The following GHDC variants were observed in gnomAD, a reference collection of about 807,000 sequenced individuals.
The protein encoded by GHDC is GH3 domain containing.
Under a neutral mutation model 51.5 loss-of-function variants are expected in GHDC, and 39 were observed. The ratio of observed to expected loss-of-function variants is 0.76; its 90% CI spans 0.59 to 0.99. GHDC has a LOEUF of 0.99. Among genes scored for constraint, GHDC ranks in the 50% least tolerant of loss-of-function variants. GHDC has a pLI of 0.00. For synonymous variants in GHDC, 282 were observed against 305.2 expected (o/e 0.92, Z 0.79); for missense variants, 610 against 672.8 (o/e 0.91, Z 1.03).
chr17:42,190,260 C>T lies in GHDC; in HGVS notation c.1299G>A (p.Ala433=), dbSNP rs1032918421. The T allele has an allele frequency of 5.6e-6, 9 of 1,614,066 alleles. No homozygotes were observed. Among genetic ancestry groups the T allele is most frequent in the African/African-American group, 4.0e-5 (3 of 74,922 alleles). The change falls in exon 9 of 10, where the codon GCG becomes GCA. Residue 433 remains alanine (A), a synonymous_variant. Coordinates refer to ENST00000587427, the MANE Select transcript of GHDC (RefSeq NM_032484.5). ...ACACCTCGTAGTGGGGAGCAGAGCC[C>T]GCAGAGGAATCTGTGAATAGACCCC... ...CVESSILDSS[A]GSAPHYEVFV...
chr17:42,191,614 C>T (rs565038670), intron 5 of GHDC, among the ~76,000 whole-genome samples: 30 of 152,092 alleles, frequency 2.0e-4, no homozygotes, highest in African/African-American at 7.0e-4. Context: ...CCTGCCACCA[C>T]ACCTGGCTAA....
intron 9 of GHDC, 54 bp downstream of exon 9, chr17:42,190,131 G>T: frequency 1.3e-6 from 2 of 1,554,278 alleles, no homozygotes; most frequent in East Asian, 2.2e-5. Context: ...TGGCACCCTG[G>T]GAGTGTGCAG....
Position 42,190,304 on chromosome 17 carries a change from G to A in GHDC, c.1289-34C>T, listed in dbSNP as rs759692538. 26 of 1,614,016 alleles carry A rather than the reference G, an allele frequency of 1.6e-5. No individual in the cohort carries two copies. In the East Asian group the frequency reaches 1.8e-4, roughly 11 times the overall value. On this transcript the variant is annotated intron_variant, in intron 8 of 9. Coordinates refer to ENST00000587427, the MANE Select transcript of GHDC (RefSeq NM_032484.5). The stretch of plus-strand genomic sequence containing the variant: ...AGACCCCATGTGCACACATACTTCC[G>A]GTGAATGGGCAGCTGCCAAGTCTAG...
At position 42,190,267 on chromosome 17, in the gene GHDC, G is replaced by C; in HGVS notation, c.1292C>G (p.Ser431Cys). Reference protein sequence around the residue: ...HGCVESSILDSSAGSAPHYEV... With the variant: ...HGCVESSILDCSAGSAPHYEV... ...GTAGTGGGGAGCAGAGCCCGCAGAG[G>C]AATCTGTGAATAGACCCCATGTGCA... Residue 431 changes from serine (S) to cysteine (C), a missense_variant, in exon 9 of 10, where the codon TCC (serine) becomes TGC (cysteine). By Grantham distance (112) the Ser-to-Cys change is moderately radical (BLOSUM62 -1). Around this residue, in one of 2 missense-constraint regions of GHDC, gnomAD observed 412 missense variants for 410.4 expected, o/e 1.00. Coordinates refer to ENST00000587427, the MANE Select transcript of GHDC (RefSeq NM_032484.5). The C allele has an allele frequency of 6.2e-7, 1 of 1,614,162 alleles. No individual in the cohort carries two copies. Among genetic ancestry groups the C allele is most frequent in the Non-Finnish European group, 8.5e-7 (1 of 1,180,028 alleles).
rs2079961723 is a variant in GHDC at position 42,190,715 on chromosome 17, T to C, written c.1197A>G (p.Glu399=). Reference sequence around the variant, plus strand: ...GGCCCAGGGCCTCAGAGAACAGGTCTTCACCAATATCTTCCCCTCGCACAC... The same window carrying C: ...GGCCCAGGGCCTCAGAGAACAGGTCCTCACCAATATCTTCCCCTCGCACAC... ...TLSVRGEDIG[E]DLFSEALGRA... The change falls in exon 8 of 10, where the codon GAA becomes GAG. Residue 399 remains glutamate, a synonymous_variant. Coordinates refer to ENST00000587427, the MANE Select transcript of GHDC (RefSeq NM_032484.5). 2 of 1,613,950 alleles carry C rather than the reference T, an allele frequency of 1.2e-6. No homozygotes were observed. The highest frequency in any genetic ancestry group is 1.7e-6 in the Non-Finnish European group (2 of 1,180,008).
Position 42,189,193 on chromosome 17 carries a change from G to T in GHDC, c.*510C>A, listed in dbSNP as rs887999712. The T allele has an allele frequency of 1.0e-5, 4 of 398,344 alleles. No individual in the cohort carries two copies. Among genetic ancestry groups the T allele is most frequent in the Non-Finnish European group, 1.8e-5 (4 of 226,042 alleles). The allele number at this position is 398,344 out of a possible 1,614,324, so 24.7% of individuals were successfully genotyped here. A position where few individuals can be genotyped will look rare whatever the true frequency, so the allele number is the denominator to read the frequency against. ...CCGCAGGAAGTACATGAATGAGTGG[G>T]TTACTGCTGCGGGCAACTGGGACTC... On this transcript the variant is annotated 3_prime_UTR_variant, in exon 10 of 10. Coordinates refer to ENST00000587427, the MANE Select transcript of GHDC (RefSeq NM_032484.5).
Position 42,193,613 on chromosome 17 carries a change from C to CGAGATATGG in GHDC, c.-13-28_-13-20dup. ...GCAGCTCCTGGGAAGAGGAAGGAAC[C>CGAGATATGG]GAGATATGGGGGCATGCAGCAATTA... On this transcript the variant is annotated intron_variant, in intron 2 of 9. Coordinates refer to ENST00000587427, the MANE Select transcript of GHDC (RefSeq NM_032484.5). The CGAGATATGG allele has an allele frequency of 6.6e-7, 1 of 1,517,420 alleles. No individual in the cohort carries two copies. Among genetic ancestry groups the CGAGATATGG allele is most frequent in the Non-Finnish European group, 8.8e-7 (1 of 1,134,750 alleles). 94.0% of individuals were successfully genotyped at this position (1,517,420 alleles called of 1,614,324 possible). A position where few individuals can be genotyped will look rare whatever the true frequency, so the allele number is the denominator to read the frequency against.
In GHDC at chr17:42,190,253, C is replaced by G; in HGVS notation, c.1306G>C (p.Ala436Pro). The change falls in exon 9 of 10, where the codon GCT becomes CCT. Residue 436 changes from alanine (A) to proline (P), a missense_variant. Physicochemically the swap from Ala to Pro is conservative, Grantham distance 27. This residue lies in a region of GHDC where 412 missense variants were observed against 410.4 expected (regional missense o/e 1.00). Coordinates refer to ENST00000587427, the MANE Select transcript of GHDC (RefSeq NM_032484.5). ...GCCACAAACACCTCGTAGTGGGGAGCAGAGCCCGCAGAGGAATCTGTGAAT... is the reference window on the plus strand; with the variant it reads ...GCCACAAACACCTCGTAGTGGGGAGGAGAGCCCGCAGAGGAATCTGTGAAT... Reference protein sequence around the residue: ...SSILDSSAGSAPHYEVFVALR... With the variant: ...SSILDSSAGSPPHYEVFVALR... 1 of 1,614,180 alleles carries G rather than the reference C, an allele frequency of 6.2e-7. No homozygotes were observed. The highest frequency in any genetic ancestry group is 8.5e-7 in the Non-Finnish European group (1 of 1,180,030).
intron 3 of GHDC, 130 bp from the exon 4 acceptor site, chr17:42,193,157 T>C: frequency 1.3e-6 from 2 of 1,540,204 alleles, no homozygotes; most frequent in South Asian, 2.3e-5. Flanking sequence ...GGACCCAGCA[T>C]GGGAAATTCA....
chr17:42,193,352 G>A lies in GHDC; in HGVS notation c.230C>T (p.Ala77Val). ...TCTGAGGGAACAGTGGGGGCGCTGG[G>A]CTCCCTGTAGACACCACCTCAGGGC... ...QQALRWCLQG[A>V]QRPHCSLRRS... The change falls in exon 3 of 10, where the codon GCC (alanine) becomes GTC (valine). Residue 77 changes from alanine to valine, a missense_variant. Ala to Val is a moderately conservative substitution (Grantham distance 64, BLOSUM62 0). Coordinates refer to ENST00000587427, the MANE Select transcript of GHDC (RefSeq NM_032484.5). 1 of 1,606,620 alleles carries A rather than the reference G, an allele frequency of 6.2e-7. No individual in the cohort carries two copies. Among genetic ancestry groups the A allele is most frequent in the Non-Finnish European group, 8.5e-7 (1 of 1,176,856 alleles).
chr17:42,193,435 G>C lies in GHDC; in HGVS notation c.147C>G (p.Thr49=), dbSNP rs2079985709. 1.3e-6 allele frequency: 2 copies of C among 1,559,276 alleles called. No homozygotes were observed. Among genetic ancestry groups the C allele is most frequent in the Middle Eastern group, 1.7e-4 (1 of 5,926 alleles). The part of the protein sequence containing the change: ...VAWGALVWAA[T]WQRRRLEQST... ...TCTGCTCCAGCCTCCGCCGCTGCCA[G>C]GTGGCTGCCCAGACCAGGGCCCCCC... Residue 49 remains threonine (T), a synonymous_variant, in exon 3 of 10, where the codon ACC becomes ACG. Coordinates refer to ENST00000587427, the MANE Select transcript of GHDC (RefSeq NM_032484.5).
chr17:42,190,510 T>A lies in GHDC; in HGVS notation c.1288+114A>T, dbSNP rs1052604485. 4.9e-6 allele frequency: 7 copies of A among 1,435,014 alleles called. No individual in the cohort carries two copies. In the African/African-American group the frequency reaches 1.0e-4, roughly 21 times the overall value. The allele number at this position is 1,435,014 out of a possible 1,614,324, so 88.9% of individuals were successfully genotyped here. A position where few individuals can be genotyped will look rare whatever the true frequency, so the allele number is the denominator to read the frequency against. Reference sequence around the variant, plus strand: ...ATGAGAGTTAGATGCAGAGAAGGACTTTTGTAGGAGTAGTAAAGGAGGCTT... The same window carrying A: ...ATGAGAGTTAGATGCAGAGAAGGACATTTGTAGGAGTAGTAAAGGAGGCTT... On this transcript the variant is annotated intron_variant, in intron 8 of 9. Coordinates refer to ENST00000587427, the MANE Select transcript of GHDC (RefSeq NM_032484.5).
In GHDC at chr17:42,190,894, C is replaced by T. The variant is rs755215346; in HGVS notation, c.1092G>A (p.Leu364=). Residue 364 remains leucine, a synonymous_variant, in exon 7 of 10, where the codon CTG becomes CTA. Transcript: ENST00000587427. ...TDRASLTRCR[L]GDVVRVVGAY... is the part of the protein sequence containing the mutation. Reference sequence around the variant, plus strand: ...CACCAACCACTCGCACCACATCACCCAGGCGGCACCTGATGGGGTGCAAGT... The same window carrying T: ...CACCAACCACTCGCACCACATCACCTAGGCGGCACCTGATGGGGTGCAAGT... 76 of 1,607,404 alleles carry T rather than the reference C, an allele frequency of 4.7e-5. No homozygotes were observed. Among genetic ancestry groups the T allele is most frequent in the Non-Finnish European group, 5.9e-5 (70 of 1,177,922 alleles).
At chr17:42,190,929 G>T (rs771469767) in intron 6 of GHDC, 26 bp from the exon 7 acceptor site, 17 of 1,597,604 alleles carry the variant, frequency 1.1e-5, no homozygotes, top group Non-Finnish European at 1.4e-5. Flanking sequence ...TGGGAGTGAG[G>T]TCGGGCCCAA....
Position 42,190,823 on chromosome 17 carries a change from G to T in GHDC, c.1154+9C>A. Reference sequence around the variant, plus strand: ...AAGGATGGCCCTTCAGCTCCCCGGGGTCACCTACCTGCAGATGAACCTGAC... The same window carrying T: ...AAGGATGGCCCTTCAGCTCCCCGGGTTCACCTACCTGCAGATGAACCTGAC... On this transcript the variant is annotated intron_variant, in intron 7 of 9. Coordinates refer to ENST00000587427, the MANE Select transcript of GHDC (RefSeq NM_032484.5). 1 of 1,613,618 alleles carries T rather than the reference G, an allele frequency of 6.2e-7. No homozygotes were observed. The highest frequency in any genetic ancestry group is 8.5e-7 in the Non-Finnish European group (1 of 1,179,900).
At chr17:42,191,530 C>T (rs1366409968) in intron 5 of GHDC, among the ~76,000 whole-genome samples, 1 of 151,864 alleles carries the variant, frequency 6.6e-6, no homozygotes, top group African/African-American at 2.4e-5. Context: ...GCGATCTCGG[C>T]TCAGTGATTC....
In GHDC at chr17:42,189,492, A is replaced by G; in HGVS notation, c.*211T>C. On this transcript the variant is annotated 3_prime_UTR_variant, in exon 10 of 10. Transcript: ENST00000587427. ...CATGCCGGGACATGGGGACACGGGC[A>G]GGCACTGCTGGCATCTGCTAACCCC... 4.8e-6 allele frequency: 2 copies of G among 419,742 alleles called. No individual in the cohort carries two copies. Among genetic ancestry groups the G allele is most frequent in the Non-Finnish European group, 8.4e-6 (2 of 239,018 alleles). The allele number at this position is 419,742 out of a possible 1,614,324, so 26.0% of individuals were successfully genotyped here.
At chr17:42,191,440 G>A (rs945903384) in intron 5 of GHDC, among the ~76,000 whole-genome samples, 2 of 152,090 alleles carry the variant, frequency 1.3e-5, no homozygotes, top group African/African-American at 4.8e-5. Flanking sequence ...GTGAATCCTG[G>A]TGCCACATGA....
chr17:42,190,192 C>T lies in GHDC; in HGVS notation c.1367G>A (p.Arg456Gln), dbSNP rs753848898. The T allele has an allele frequency of 9.3e-6, 15 of 1,613,616 alleles. No individual in the cohort carries two copies. Among genetic ancestry groups the T allele is most frequent in the East Asian group, 4.5e-5 (2 of 44,892 alleles). Residue 456 changes from arginine (R) to glutamine (Q), a missense_variant, in exon 9 of 10, where the codon CGA becomes CAA. Physicochemically the swap from Arg to Gln is conservative, Grantham distance 43 (BLOSUM62 1). Around this residue, in one of 2 missense-constraint regions of GHDC, gnomAD observed 412 missense variants for 410.4 expected, o/e 1.00. Coordinates refer to ENST00000587427, the MANE Select transcript of GHDC (RefSeq NM_032484.5). Reference protein sequence around the residue: ...RGLRNLSEENRDKLDHCLQEA... With the variant: ...RGLRNLSEENQDKLDHCLQEA... ...TGTCCTCGTCTCCTTTACCTTGTCT[C>T]GATTTTCCTCTGACAGATTCCTCAG...
Sources: allele counts gnomAD v4.1 joint callset (sites outside exome capture counted in the v4.1 genomes callset), GRCh38; gene constraint gnomAD v4.1.1; regional missense constraint gnomAD v4.1.1; transcripts MANE v1.5; gene names NCBI Gene and HGNC (gene_info 2026-07-23, HGNC 2026-07-21).